NRG3: variants seen among roughly 807,000 people sequenced by gnomAD.
NRG3 encodes pro-neuregulin-3, membrane-bound isoform.
Under a neutral mutation model 66.9 loss-of-function variants are expected in NRG3, and 31 were observed. That is an observed-to-expected ratio of 0.46 (90% confidence interval 0.35 to 0.63). NRG3 has a LOEUF of 0.63. Ranked by LOEUF, NRG3 falls within the 20% of genes least tolerant of loss-of-function variation. NRG3 has a pLI of 0.00. For missense variants in NRG3, 910 were observed against 878.9 expected (o/e 1.04, Z -0.45); for synonymous variants, 393 against 359.4 (o/e 1.09, Z -1.06).
intron 3 of NRG3, among the ~76,000 whole-genome samples, chr10:82,825,079 G>T (rs1055424474): frequency 4.6e-5 from 7 of 152,052 alleles, no homozygotes; most frequent in African/African-American, 1.7e-4. Flanking sequence ...TCCTTTATCA[G>T]TTACATGATT....
chr10:82,751,953 A>G (rs1055802417), intron 3 of NRG3, among the ~76,000 whole-genome samples: 1 of 146,838 alleles, frequency 6.8e-6, no homozygotes, highest in Non-Finnish European at 1.5e-5. Flanking sequence ...TTGAGGACAA[A>G]TATGCTGGAT....
At position 82,759,363 on chromosome 10, in the gene NRG3, T is replaced by G. The variant is rs189790401; in HGVS notation, c.1027+20713T>G. 4.6e-3 allele frequency among the ~76,000 whole-genome samples: 700 copies of G among 152,114 alleles called. 3 individuals carry two copies. Among genetic ancestry groups the G allele is most frequent in the Non-Finnish European group, 6.0e-3 (410 of 67,920 alleles). ...GTTAGCCAAATAAACCTCTTTTGTT[T>G]GTAGAAAATCTTGAACTTTCCAGTC... On this transcript the variant is annotated intron_variant, in intron 3 of 8. Transcript: ENST00000372141.
intron 3 of NRG3, among the ~76,000 whole-genome samples, chr10:82,746,086 C>A (rs1424122752): frequency 6.6e-6 from 1 of 152,138 alleles, no homozygotes; most frequent in Non-Finnish European, 1.5e-5. Context: ...AGGACAGGGT[C>A]TTGCTATGTT....
At chr10:82,401,853 C>A (rs578089183) in intron 2 of NRG3, among the ~76,000 whole-genome samples, 4 of 151,818 alleles carry the variant, frequency 2.6e-5, no homozygotes, top group Admixed American at 6.6e-5. Context: ...AATCAGATAT[C>A]GTAATTAATT....
chr10:82,293,502 G>C (rs1233172797), intron 1 of NRG3, among the ~76,000 whole-genome samples: 1 of 152,114 alleles, frequency 6.6e-6, no homozygotes, highest in East Asian at 1.9e-4. Context: ...GTCAAAGAAT[G>C]ATAAAATTTC....
At chr10:82,133,778 C>T (rs748670985) in intron 1 of NRG3, among the ~76,000 whole-genome samples, 1 of 151,888 alleles carries the variant, frequency 6.6e-6, no homozygotes, top group Non-Finnish European at 1.5e-5. Context: ...TGGTATATAC[C>T]CGGTAATGGG....
At chr10:82,611,814 T>C (rs956942760) in intron 2 of NRG3, among the ~76,000 whole-genome samples, 1 of 152,154 alleles carries the variant, frequency 6.6e-6, no homozygotes, top group Admixed American at 6.6e-5. Flanking sequence ...AAATGGTACT[T>C]CTAGTCCTAG....
At chr10:82,893,653 A>G (rs1309264964) in intron 4 of NRG3, among the ~76,000 whole-genome samples, 1 of 152,088 alleles carries the variant, frequency 6.6e-6, no homozygotes, top group Non-Finnish European at 1.5e-5. Context: ...GTGCCACTGC[A>G]CTCCAGCCTG....
At chr10:82,403,700 G>A (rs2087286535) in intron 2 of NRG3, among the ~76,000 whole-genome samples, 1 of 152,086 alleles carries the variant, frequency 6.6e-6, no homozygotes, top group African/African-American at 2.4e-5. Flanking sequence ...ACTTAAGAGG[G>A]TGCAGAATTC....
chr10:82,431,312 C>A (rs2089790550), intron 2 of NRG3, among the ~76,000 whole-genome samples: 1 of 152,076 alleles, frequency 6.6e-6, no homozygotes, highest in Non-Finnish European at 1.5e-5. Context: ...CTTCCCTGTC[C>A]TATGTATGCT....
intron 3 of NRG3, among the ~76,000 whole-genome samples, chr10:82,802,867 G>A (rs1301634704): frequency 6.6e-6 from 1 of 151,974 alleles, no homozygotes; most frequent in Non-Finnish European, 1.5e-5. Context: ...TAGGGACAAG[G>A]CTTTGCCATT....
intron 2 of NRG3, among the ~76,000 whole-genome samples, chr10:82,679,419 T>A (rs2053950244): frequency 6.6e-6 from 1 of 152,170 alleles, no homozygotes; most frequent in African/African-American, 2.4e-5. Context: ...GAAATAAGAA[T>A]TTCTGGTATC....
At position 82,087,514 on chromosome 10, in the gene NRG3, C is replaced by T. The variant is rs1396841008; in HGVS notation, c.823+211351C>T. On this transcript the variant is annotated intron_variant, in intron 1 of 8. Transcript: ENST00000372141. ...GTAAACTCTATTTTATAGTTACAGT[C>T]CACCCAACAGTACAGGTGGACTCAG... 1.1e-4 allele frequency among the ~76,000 whole-genome samples: 16 copies of T among 152,166 alleles called. No individual in the cohort carries two copies. The East Asian group carries it at 3.1e-3, about 29-fold the overall frequency.
chr10:82,073,522 C>T (rs2064922923), intron 1 of NRG3, among the ~76,000 whole-genome samples: 1 of 151,918 alleles, frequency 6.6e-6, no homozygotes, highest in Non-Finnish European at 1.5e-5. Context: ...GATATCTGTG[C>T]CAGTGACCTA....
chr10:82,227,464 A>T (rs953917270), intron 1 of NRG3, among the ~76,000 whole-genome samples: 17 of 152,138 alleles, frequency 1.1e-4, no homozygotes, highest in African/African-American at 4.1e-4. Flanking sequence ...AAGGGAAAAA[A>T]CTTAAAGGGT....
At chr10:82,348,891 G>T (rs1242944820) in intron 1 of NRG3, among the ~76,000 whole-genome samples, 78 of 147,176 alleles carry the variant, frequency 5.3e-4, no homozygotes, top group African/African-American at 1.8e-3. Context: ...TCTTCACGTA[G>T]TTCTCGAGCC....
At chr10:82,863,279 G>C (rs2453683) in intron 3 of NRG3, among the ~76,000 whole-genome samples, 112,289 of 152,124 alleles carry the variant, frequency 0.74, 41,883 homozygotes, top group African/African-American at 0.85. Flanking sequence ...ATTTGGGTTG[G>C]TTCCAAGTCT....
intron 2 of NRG3, among the ~76,000 whole-genome samples, chr10:82,625,812 A>G (rs562684204): frequency 6.6e-6 from 1 of 152,294 alleles, no homozygotes; most frequent in African/African-American, 2.4e-5. Context: ...TAAGTGGTAA[A>G]ATATGTCACC....
At chr10:82,269,742 G>T (rs2078494850) in intron 1 of NRG3, among the ~76,000 whole-genome samples, 1 of 152,122 alleles carries the variant, frequency 6.6e-6, no homozygotes, top group Admixed American at 6.6e-5. Context: ...AGCACACATT[G>T]CTAGGTCCCC....
Sources: gnomAD v4.1 joint callset for allele counts (sites outside exome capture counted in the v4.1 genomes callset) on GRCh38, gnomAD v4.1.1 for gene constraint, MANE v1.5 for transcripts, NCBI Gene and HGNC (gene_info 2026-07-23, HGNC 2026-07-21) for gene names.